The following SPINK8 variants were observed in gnomAD, a reference collection of about 807,000 sequenced individuals.
SPINK8 encodes the protein serine protease inhibitor Kazal-type 8.
A neutral mutation model predicts 14.4 loss-of-function variants in SPINK8; 12 were observed. That is an observed-to-expected ratio of 0.83 (90% CI 0.53 to 1.35). The LOEUF is 1.35. Ranked by LOEUF, SPINK8 falls within the 40% of genes most tolerant of loss-of-function variation. SPINK8 has a pLI of 0.00. For missense variants in SPINK8, 103 were observed against 117.0 expected (o/e 0.88, Z 0.55); for synonymous variants, 32 against 37.6 (o/e 0.85, Z 0.55).
chr3:48,326,384 G>C (rs2036141493), intron 4 of SPINK8, among the ~76,000 whole-genome samples: 1 of 152,178 alleles, frequency 6.6e-6, no homozygotes, highest in Admixed American at 6.5e-5. Context: ...AAGGCTGGCA[G>C]GTCACCTGAG....
At chr3:48,310,496 A>C (rs9867812) in intron 6 of SPINK8, among the ~76,000 whole-genome samples, 1 of 88,676 alleles carries the variant, frequency 1.1e-5, no homozygotes, top group African/African-American at 3.1e-5. Context: ...CAAAAAAAAA[A>C]TTTTTTTTTT....
At position 48,318,131 on chromosome 3, in the gene SPINK8, C is replaced by T. The variant is rs544788253; in HGVS notation, c.239+1366G>A. The stretch of plus-strand genomic sequence containing the variant: ...ATTTAACTTGTAATATCCAGTGCAA[C>T]TGCTAAGAGAATAATTTCTTTTTTT... On this transcript the variant is annotated intron_variant, in intron 6 of 7. Coordinates refer to ENST00000434006, the MANE Select transcript of SPINK8 (RefSeq NM_001080525.3). Among the ~76,000 whole-genome samples, 7 of 152,022 alleles carry T rather than the reference C, an allele frequency of 4.6e-5. No individual in the cohort carries two copies. In the South Asian group the frequency reaches 8.3e-4, roughly 18 times the overall value.
intron 7 of SPINK8, among the ~76,000 whole-genome samples, chr3:48,307,486 C>T: frequency 6.8e-6 from 1 of 147,756 alleles, no homozygotes; most frequent in African/African-American, 2.6e-5. Flanking sequence ...ATTTTCATGT[C>T]TTCTTTTCTT....
intron 4 of SPINK8, among the ~76,000 whole-genome samples, chr3:48,324,489 C>T (rs2036113978): frequency 6.6e-6 from 1 of 152,026 alleles, no homozygotes; most frequent in Non-Finnish European, 1.5e-5. Context: ...GCCTAATTAC[C>T]CTGGCTTGAA....
At position 48,328,302 on chromosome 3, in the gene SPINK8, T is replaced by C; in HGVS notation, c.40A>G (p.Thr14Ala). The C allele has an allele frequency of 6.2e-7, 1 of 1,611,184 alleles. No individual in the cohort carries two copies. Among genetic ancestry groups the C allele is most frequent in the Non-Finnish European group, 8.5e-7 (1 of 1,178,792 alleles). Residue 14 changes from threonine to alanine, a missense_variant, in exon 4 of 8, where the codon ACC becomes GCC. By Grantham distance (58) the Thr-to-Ala change is moderately conservative. Coordinates refer to ENST00000434006, the MANE Select transcript of SPINK8 (RefSeq NM_001080525.3). Reference sequence around the variant, plus strand: ...ATTGCAAAGGCCATCCACATGGAGGTAGCTAGAACAAGGATGGCGTCTGAG... The same window carrying C: ...ATTGCAAAGGCCATCCACATGGAGGCAGCTAGAACAAGGATGGCGTCTGAG... The part of the protein sequence containing the change: ...ICSDAILVLA[T>A]SMWMAFAIDF...
chr3:48,319,729 AG>A, intron 5 of SPINK8, 111 bp from the exon 6 acceptor site: 1 of 1,452,032 alleles, frequency 6.9e-7, no homozygotes, highest in African/African-American at 1.4e-5. Context: ...TCAGGAGTTC[AG>A]AGAAAAGGAT....
At position 48,319,477 on chromosome 3, in the gene SPINK8, A is replaced by G. The variant is rs1157237724; in HGVS notation, c.239+20T>C. The G allele has an allele frequency of 1.2e-6, 2 of 1,613,716 alleles. No homozygotes were observed. Among genetic ancestry groups the G allele is most frequent in the Non-Finnish European group, 1.7e-6 (2 of 1,179,770 alleles). ...TAACCTCTTGACTTGAAAGAAAGGG[A>G]GAACAAAATTAGGACTTACAGAATT... On this transcript the variant is annotated intron_variant, in intron 6 of 7. Coordinates refer to ENST00000434006, the MANE Select transcript of SPINK8 (RefSeq NM_001080525.3).
chr3:48,333,203 C>A (rs1159362685), intron 1 of SPINK8, among the ~76,000 whole-genome samples: 3 of 152,136 alleles, frequency 2.0e-5, no homozygotes, highest in African/African-American at 7.2e-5. Context: ...AGAAGTCTAG[C>A]TGTAAGATGG....
chr3:48,319,684 A>G (rs1250679854), intron 5 of SPINK8, 66 bp from the exon 6 acceptor site: 2 of 1,600,000 alleles, frequency 1.3e-6, no homozygotes, highest in Non-Finnish European at 1.7e-6. Flanking sequence ...GTTATTATGT[A>G]TAGCTTGGGA....
intron 6 of SPINK8, among the ~76,000 whole-genome samples, chr3:48,315,144 A>G (rs1321313504): frequency 6.6e-6 from 1 of 152,222 alleles, no homozygotes; most frequent in African/African-American, 2.4e-5. Context: ...ACATGACAAA[A>G]AATGCATACT....
chr3:48,315,002 CA>C (rs1228769201), intron 6 of SPINK8, among the ~76,000 whole-genome samples: 2 of 152,298 alleles, frequency 1.3e-5, no homozygotes, highest in East Asian at 3.9e-4. Flanking sequence ...TGAGTAGAGA[CA>C]TGCCTCAGTG....
rs755927457 is a variant in SPINK8 at position 48,328,255 on chromosome 3, A to C, written c.67+20T>G. The C allele has an allele frequency of 1.2e-6, 2 of 1,603,044 alleles. No homozygotes were observed. Among genetic ancestry groups the C allele is most frequent in the Non-Finnish European group, 1.7e-6 (2 of 1,173,474 alleles). On this transcript the variant is annotated intron_variant, in intron 4 of 7. Transcript: ENST00000434006. ...GATTTACTGCAGAAAATGTGGGCAG[A>C]GCAAGGACACATAACTCACCAATTG...
At chr3:48,326,731 A>T (rs2107111513) in intron 4 of SPINK8, among the ~76,000 whole-genome samples, 1 of 152,238 alleles carries the variant, frequency 6.6e-6, no homozygotes, top group East Asian at 1.9e-4. Flanking sequence ...CAACATAGTC[A>T]AACCATGTCT....
At chr3:48,330,424 C>T (rs1328787726) in intron 2 of SPINK8, among the ~76,000 whole-genome samples, 1 of 152,138 alleles carries the variant, frequency 6.6e-6, no homozygotes, top group Non-Finnish European at 1.5e-5. Context: ...GAGGCTGAGG[C>T]ATGAGAATCG....
At chr3:48,318,116 T>C (rs931297977) in intron 6 of SPINK8, among the ~76,000 whole-genome samples, 1 of 152,072 alleles carries the variant, frequency 6.6e-6, no homozygotes, top group Non-Finnish European at 1.5e-5. Context: ...ATTTAACTTG[T>C]AATATCCAGT....
intron 4 of SPINK8, among the ~76,000 whole-genome samples, chr3:48,324,169 A>G (rs998888287): frequency 3.3e-5 from 5 of 151,958 alleles, no homozygotes; most frequent in Non-Finnish European, 7.4e-5. Context: ...TCTTTCATCA[A>G]TGTTTTGTAG....
chr3:48,328,306 T>A lies in SPINK8; in HGVS notation c.36A>T (p.Leu12=), dbSNP rs1399068392. ...KGICSDAILV[L]ATSMWMAFAI... ...CAAAGGCCATCCACATGGAGGTAGC[T>A]AGAACAAGGATGGCGTCTGAGCAGA... is the stretch of plus-strand genomic sequence containing the variant. The change falls in exon 4 of 8, where the codon CTA becomes CTT. Residue 12 remains leucine, a synonymous_variant. Transcript: ENST00000434006. The A allele has an allele frequency of 6.2e-7, 1 of 1,611,704 alleles. No individual in the cohort carries two copies. Among genetic ancestry groups the A allele is most frequent in the East Asian group, 2.2e-5 (1 of 44,856 alleles).
chr3:48,312,715 G>T (rs1013302332), intron 6 of SPINK8, among the ~76,000 whole-genome samples: 2 of 151,770 alleles, frequency 1.3e-5, no homozygotes, highest in Non-Finnish European at 2.9e-5. Flanking sequence ...ATGGATCAAT[G>T]GGGCCGGGCG....
intron 4 of SPINK8, among the ~76,000 whole-genome samples, chr3:48,322,618 G>A (rs917350774): frequency 6.6e-6 from 1 of 152,216 alleles, no homozygotes; most frequent in African/African-American, 2.4e-5. Context: ...TTACAGGCAT[G>A]AGCCATCAAG....
Sources: allele counts gnomAD v4.1 joint callset (sites outside exome capture counted in the v4.1 genomes callset), GRCh38; gene constraint gnomAD v4.1.1; transcripts MANE v1.5; gene names NCBI Gene and HGNC (gene_info 2026-07-23, HGNC 2026-07-21).